CPNE8: variants seen among roughly 807,000 people sequenced by gnomAD.
CPNE8 encodes the protein copine 8, also known as copine-8.
CPNE8 carries 45 observed loss-of-function variants against 81.5 expected under a neutral mutation model. The observed-to-expected ratio is 0.55, with a 90% CI of 0.44 to 0.71. The LOEUF (loss-of-function observed/expected upper bound fraction) is 0.71. Ranked by LOEUF, CPNE8 falls within the 30% of genes least tolerant of loss-of-function variation. The probability of loss-of-function intolerance (pLI) is 0.00; values close to 1 mark genes in which losing one functional copy is unlikely to be tolerated. For missense variants in CPNE8, 594 were observed against 672.1 expected (o/e 0.88, Z 1.28); for synonymous variants, 252 against 226.3 (o/e 1.11, Z -1.02).
intron 15 of CPNE8, among the ~76,000 whole-genome samples, chr12:38,686,638 T>TC (rs1939541216): frequency 6.6e-6 from 1 of 152,202 alleles, no homozygotes; most frequent in Non-Finnish European, 1.5e-5. Flanking sequence ...GCACGGTGGT[T>TC]CCTGAGCAGG....
At chr12:38,717,426 GGTGTATATAT>G (rs1194460222) in intron 13 of CPNE8, among the ~76,000 whole-genome samples, 1 of 27,780 alleles carries the variant, frequency 3.6e-5, no homozygotes, top group Non-Finnish European at 7.2e-5. Flanking sequence ...AAGAAAGTGT[GGTGTATATAT>G]ATATATATAT....
At chr12:38,667,851 G>A (rs58407671) in intron 19 of CPNE8, among the ~76,000 whole-genome samples, 1 of 151,828 alleles carries the variant, frequency 6.6e-6, no homozygotes, top group African/African-American at 2.4e-5. Context: ...AGGCTGGAGT[G>A]CAATGGTATG....
In CPNE8 at chr12:38,710,268, C is replaced by CAAAAAAAAAAAAAAAAAAA. The variant is rs57376063; in HGVS notation, c.915-7366_915-7348dup. ...ATGTGACATAATCAAAATAAGCTAA[C>CAAAAAAAAAAAAAAAAAAA]AAAAAAAAAAAAAAAAAAAACCAAC... On this transcript the variant is annotated intron_variant, in intron 13 of 19. Coordinates refer to ENST00000331366, the MANE Select transcript of CPNE8 (RefSeq NM_153634.3). Among the ~76,000 whole-genome samples, 28 of 50,220 alleles carry CAAAAAAAAAAAAAAAAAAA rather than the reference C, an allele frequency of 5.6e-4. 1 individual carries two copies. Among genetic ancestry groups the CAAAAAAAAAAAAAAAAAAA allele is most frequent in the East Asian group, 1.9e-3 (3 of 1,540 alleles). 32.9% of individuals were successfully genotyped at this position (50,220 alleles called of 152,430 possible).
chr12:38,845,690 G>A (rs1278537986), intron 4 of CPNE8, among the ~76,000 whole-genome samples: 3 of 151,888 alleles, frequency 2.0e-5, no homozygotes, highest in Non-Finnish European at 4.4e-5. Flanking sequence ...AAATAATAAT[G>A]ATGATAATAA....
Position 38,829,524 on chromosome 12 carries a change from C to T in CPNE8, c.331-69G>A, listed in dbSNP as rs148113300. On this transcript the variant is annotated intron_variant, in intron 5 of 19. Transcript: ENST00000331366. ...TCTTTACAGTATATGTTTTGTACAT[C>T]ATACATCTGCATTGTTTTCATTGCT... The T allele has an allele frequency of 3.8e-5, 38 of 1,004,744 alleles. 1 individual carries two copies. In the Admixed American group the frequency reaches 6.1e-4, roughly 16 times the overall value. The allele number at this position is 1,004,744 out of a possible 1,614,324, so 62.2% of individuals were successfully genotyped here.
At chr12:38,678,109 G>A (rs1203328633) in intron 16 of CPNE8, among the ~76,000 whole-genome samples, 1 of 151,970 alleles carries the variant, frequency 6.6e-6, no homozygotes, top group African/African-American at 2.4e-5. Flanking sequence ...TTTACTAAAT[G>A]TCATTGAATG....
At chr12:38,665,487 T>G (rs1939042504) in intron 19 of CPNE8, among the ~76,000 whole-genome samples, 1 of 152,114 alleles carries the variant, frequency 6.6e-6, no homozygotes, top group African/African-American at 2.4e-5. Flanking sequence ...AGCTGCTTGC[T>G]TTACCTATTC....
chr12:38,721,706 G>A (rs75874418), intron 13 of CPNE8, among the ~76,000 whole-genome samples: 1 of 152,212 alleles, frequency 6.6e-6, no homozygotes, highest in African/African-American at 2.4e-5. Context: ...GCCCCTGGGG[G>A]AGCCCAGACC....
intron 7 of CPNE8, among the ~76,000 whole-genome samples, chr12:38,775,965 T>C (rs1342809426): frequency 6.6e-6 from 1 of 152,184 alleles, no homozygotes; most frequent in Non-Finnish European, 1.5e-5. Context: ...CTATTCCTTA[T>C]ACTAATGCTT....
chr12:38,828,326 T>C (rs1294778245), intron 6 of CPNE8, among the ~76,000 whole-genome samples: 4 of 152,176 alleles, frequency 2.6e-5, no homozygotes, highest in Non-Finnish European at 4.4e-5. Context: ...CCTATAATTA[T>C]GTGAAAATAA....
At chr12:38,891,014 C>A (rs1944307566) in intron 1 of CPNE8, among the ~76,000 whole-genome samples, 1 of 151,826 alleles carries the variant, frequency 6.6e-6, no homozygotes, top group Non-Finnish European at 1.5e-5. Context: ...GCAACCACTG[C>A]CTCCTGGGTT....
chr12:38,807,560 T>G (rs1372404921), intron 6 of CPNE8, among the ~76,000 whole-genome samples: 1 of 150,794 alleles, frequency 6.6e-6, no homozygotes, highest in African/African-American at 2.4e-5. Flanking sequence ...TGTAGAAAGC[T>G]GAAACTGGAT....
chr12:38,689,517 A>T (rs1010260309), intron 15 of CPNE8, among the ~76,000 whole-genome samples: 3 of 152,322 alleles, frequency 2.0e-5, no homozygotes, highest in Middle Eastern at 3.4e-3. Context: ...AGCTGAGAGA[A>T]TTCTTCCTTT....
intron 1 of CPNE8, among the ~76,000 whole-genome samples, chr12:38,893,218 A>C (rs1944338845): frequency 6.6e-6 from 1 of 152,214 alleles, no homozygotes. Context: ...GGCTGGGTAA[A>C]ATAAGGCTGA....
Position 38,811,805 on chromosome 12 carries a change from G to A in CPNE8, c.407+17574C>T, listed in dbSNP as rs187255212. On this transcript the variant is annotated intron_variant, in intron 6 of 19. Coordinates refer to ENST00000331366, the MANE Select transcript of CPNE8 (RefSeq NM_153634.3). The stretch of plus-strand genomic sequence containing the variant: ...GAAGATCTGTTGAGCCCATGAGTTC[G>A]AGGCTGCAGTGAGCTATGATTGTGC... Among the ~76,000 whole-genome samples, 51 of 152,316 alleles carry A rather than the reference G, an allele frequency of 3.3e-4. No homozygotes were observed. In the East Asian group the frequency reaches 8.7e-3, roughly 26 times the overall value.
intron 5 of CPNE8, among the ~76,000 whole-genome samples, chr12:38,833,616 C>A (rs1473321292): frequency 3.3e-5 from 5 of 151,130 alleles, no homozygotes; most frequent in Admixed American, 1.3e-4. Flanking sequence ...GTAGCTGGGA[C>A]TACAGGCACT....
intron 7 of CPNE8, among the ~76,000 whole-genome samples, chr12:38,774,519 T>C (rs938408004): frequency 1.3e-5 from 2 of 152,166 alleles, no homozygotes; most frequent in Non-Finnish European, 2.9e-5. Context: ...TATGCTATAT[T>C]TTCTAAGGCA....
chr12:38,727,383 A>G (rs1002599593), intron 11 of CPNE8, among the ~76,000 whole-genome samples: 7 of 152,202 alleles, frequency 4.6e-5, no homozygotes, highest in Non-Finnish European at 7.3e-5. Flanking sequence ...GGTAATGAAT[A>G]TGGTAATTAT....
intron 6 of CPNE8, among the ~76,000 whole-genome samples, chr12:38,797,161 A>G (rs576620290): frequency 9.2e-5 from 14 of 152,186 alleles, no homozygotes; most frequent in African/African-American, 2.9e-4. Flanking sequence ...CTGCAGACGT[A>G]AATGTCCCTG....
Sources: allele counts gnomAD v4.1 joint callset (sites outside exome capture counted in the v4.1 genomes callset), GRCh38; gene constraint gnomAD v4.1.1; transcripts MANE v1.5; gene names NCBI Gene and HGNC (gene_info 2026-07-23, HGNC 2026-07-21).